SLC35F1: variants seen among roughly 807,000 people sequenced by gnomAD.
The protein encoded by SLC35F1 is solute carrier family 35 member F1, also known as chromosome 6 open reading frame 169.
SLC35F1 carries 14 observed loss-of-function variants against 48.7 expected under a neutral mutation model. That is an observed-to-expected ratio of 0.29 (90% CI 0.19 to 0.45). The LOEUF is 0.45. SLC35F1 is among the 20% of genes least tolerant of loss of function. The pLI, the probability that SLC35F1 is intolerant of heterozygous loss-of-function variation, is 1.00. For synonymous variants in SLC35F1, 190 were observed against 202.2 expected, an observed-to-expected ratio of 0.94 and a Z score of 0.51; for missense variants, 404 against 500.0, an observed-to-expected ratio of 0.81 and a Z score of 1.83.
At position 118,039,631 on chromosome 6, in the gene SLC35F1, A is replaced by T. The variant is rs182131706; in HGVS notation, c.174-114814A>T. 7.7e-3 allele frequency among the ~76,000 whole-genome samples: 1,159 copies of T among 150,070 alleles called. 13 individuals carry two copies. The highest frequency in any genetic ancestry group is 0.023 in the East Asian group (118 of 5,178). ...TCATCTACTATTAAGTTCATCCAGT[A>T]GTCTTTTTTTAAAAAATTGCATGCA... On this transcript the variant is annotated intron_variant, in intron 1 of 7. Coordinates refer to ENST00000360388, the MANE Select transcript of SLC35F1 (RefSeq NM_001029858.4).
At chr6:118,160,485 T>G (rs78949379) in intron 2 of SLC35F1, among the ~76,000 whole-genome samples, 3,014 of 152,318 alleles carry the variant, frequency 0.02, 117 homozygotes, top group African/African-American at 0.069. Flanking sequence ...AATAGAACAC[T>G]CATAAAAATA....
At chr6:117,931,178 A>G (rs1459814540) in intron 1 of SLC35F1, among the ~76,000 whole-genome samples, 1 of 152,220 alleles carries the variant, frequency 6.6e-6, no homozygotes, top group East Asian at 1.9e-4. Flanking sequence ...TGTTATGCTT[A>G]TAATTGTGCC....
At chr6:117,908,388 G>T (rs933055437) in intron 1 of SLC35F1, among the ~76,000 whole-genome samples, 1 of 152,214 alleles carries the variant, frequency 6.6e-6, no homozygotes, top group Non-Finnish European at 1.5e-5. Flanking sequence ...GGGGGAATGG[G>T]GTCGCAGCGA....
rs556274558 is a variant in SLC35F1 at position 117,946,671 on chromosome 6, AAAG to A, written c.173+38776_173+38778del. ...AAACTCTGTGCTTTTTTACATTACCAAAGAAGTGTGAACTTTGATACAGTACCA... is the reference window on the plus strand; with the variant it reads ...AAACTCTGTGCTTTTTTACATTACCAAAGTGTGAACTTTGATACAGTACCA... On this transcript the variant is annotated intron_variant, in intron 1 of 7. Transcript: ENST00000360388. 3.3e-3 allele frequency among the ~76,000 whole-genome samples: 500 copies of A among 152,338 alleles called. 2 individuals are homozygous for A. The highest frequency in any genetic ancestry group is 0.011 in the African/African-American group (476 of 41,578).
In SLC35F1 at chr6:117,943,650, T is replaced by G. The variant is rs548752608; in HGVS notation, c.173+35751T>G. The stretch of plus-strand genomic sequence containing the variant: ...AAGAGTTGGCTCTATTTGAAATATT[T>G]TATGAAGGAGGTCTTTTCATGTGAT... On this transcript the variant is annotated intron_variant, in intron 1 of 7. Coordinates refer to ENST00000360388, the MANE Select transcript of SLC35F1 (RefSeq NM_001029858.4). Among the ~76,000 whole-genome samples, 8 of 152,330 alleles carry G rather than the reference T, an allele frequency of 5.3e-5. No homozygotes were observed. The East Asian group carries it at 1.5e-3, about 29-fold the overall frequency.
At chr6:118,054,143 TTC>T (rs1772430255) in intron 1 of SLC35F1, among the ~76,000 whole-genome samples, 1 of 152,228 alleles carries the variant, frequency 6.6e-6, no homozygotes, top group Admixed American at 6.5e-5. Context: ...TTTACATTAA[TTC>T]ATTTATCTTT....
chr6:118,007,404 C>T (rs959057769), intron 1 of SLC35F1, among the ~76,000 whole-genome samples: 3 of 152,074 alleles, frequency 2.0e-5, no homozygotes, highest in African/African-American at 4.8e-5. Context: ...TACTATGTGC[C>T]GGACATTGTG....
chr6:118,299,802 C>G (rs1207440179), intron 7 of SLC35F1, among the ~76,000 whole-genome samples: 1 of 152,184 alleles, frequency 6.6e-6, no homozygotes, highest in African/African-American at 2.4e-5. Context: ...CCAGGTTTCT[C>G]ATCCAGGCTC....
chr6:118,013,113 A>G (rs1777273578), intron 1 of SLC35F1, among the ~76,000 whole-genome samples: 1 of 152,166 alleles, frequency 6.6e-6, no homozygotes, highest in South Asian at 2.1e-4. Flanking sequence ...TGTTCAGTGC[A>G]GACCCCAGTG....
chr6:118,157,138 C>A (rs1420395534), intron 2 of SLC35F1, among the ~76,000 whole-genome samples: 2 of 152,080 alleles, frequency 1.3e-5, no homozygotes, highest in Non-Finnish European at 2.9e-5. Flanking sequence ...GCTCTGACAG[C>A]CCAGGAAACT....
Position 118,056,353 on chromosome 6 carries a change from C to T in SLC35F1, c.174-98092C>T, listed in dbSNP as rs188638508. On this transcript the variant is annotated intron_variant, in intron 1 of 7. Coordinates refer to ENST00000360388, the MANE Select transcript of SLC35F1 (RefSeq NM_001029858.4). ...TAATGTTTTTTCTAAGAATTAAATC[C>T]TGACATAGTGTAAGCAGATAAATAT... Among the ~76,000 whole-genome samples, 244 of 152,062 alleles carry T rather than the reference C, an allele frequency of 1.6e-3. 1 individual carries two copies. The highest frequency in any genetic ancestry group is 5.7e-3 in the African/African-American group (236 of 41,460).
At chr6:117,912,061 A>C (rs1238763206) in intron 1 of SLC35F1, among the ~76,000 whole-genome samples, 1 of 152,162 alleles carries the variant, frequency 6.6e-6, no homozygotes, top group Non-Finnish European at 1.5e-5. Flanking sequence ...AATATCTGTG[A>C]ATTTCTTGTT....
In SLC35F1 at chr6:118,290,798, A is replaced by ATTTT. The variant is rs67467513; in HGVS notation, c.1002+5470_1002+5473dup. ...GATGGGCTATCTCAGAAAATCGACT[A>ATTTT]TTTTTTTTTTTTTCGAGACAGAGTC... On this transcript the variant is annotated intron_variant, in intron 7 of 7. Transcript: ENST00000360388. Among the ~76,000 whole-genome samples the ATTTT allele has an allele frequency of 7.7e-4, 109 of 142,378 alleles. 2 individuals carry two copies. Among genetic ancestry groups the ATTTT allele is most frequent in the Middle Eastern group, 3.5e-3 (1 of 288 alleles). 93.4% of individuals were successfully genotyped at this position (142,378 alleles called of 152,430 possible).
chr6:118,193,309 T>C (rs1467050035), intron 2 of SLC35F1, among the ~76,000 whole-genome samples: 1 of 152,214 alleles, frequency 6.6e-6, no homozygotes, highest in African/African-American at 2.4e-5. Flanking sequence ...CAAATTTTGG[T>C]TAAAGAGCAG....
Position 117,907,484 on chromosome 6 carries a change from G to A in SLC35F1, c.-243G>A, listed in dbSNP as rs1775700863. On this transcript the variant is annotated 5_prime_UTR_variant, in exon 1 of 8. Transcript: ENST00000360388. ...GACGCGGCTCGGGAAGAGCCGGGGC[G>A]GGCGGCGGCGGCGGCGGCACGGGCG... 7.5e-6 allele frequency: 2 copies of A among 267,508 alleles called. No homozygotes were observed. The highest frequency in any genetic ancestry group is 5.4e-5 in the Admixed American group (1 of 18,426). The allele number at this position is 267,508 out of a possible 1,614,324, so 16.6% of individuals were successfully genotyped here.
At chr6:118,173,017 G>C (rs1213320667) in intron 2 of SLC35F1, among the ~76,000 whole-genome samples, 1 of 152,052 alleles carries the variant, frequency 6.6e-6, no homozygotes, top group African/African-American at 2.4e-5. Context: ...ACTATTTCAA[G>C]CACCATCCAA....
chr6:117,927,318 G>T (rs922330561), intron 1 of SLC35F1, among the ~76,000 whole-genome samples: 7 of 152,196 alleles, frequency 4.6e-5, no homozygotes, highest in Non-Finnish European at 8.8e-5. Context: ...ATCACAAAGT[G>T]TAACTATGAT....
chr6:118,085,339 T>C (rs892366869), intron 1 of SLC35F1, among the ~76,000 whole-genome samples: 3 of 152,086 alleles, frequency 2.0e-5, no homozygotes, highest in South Asian at 2.1e-4. Flanking sequence ...CAAATCCCCT[T>C]GGATTTTCCT....
chr6:117,930,642 C>T (rs954238106), intron 1 of SLC35F1, among the ~76,000 whole-genome samples: 1 of 152,146 alleles, frequency 6.6e-6, no homozygotes, highest in African/African-American at 2.4e-5. Flanking sequence ...ATCACTTCAT[C>T]CTTCCTAACT....
Sources: gnomAD v4.1 joint callset for allele counts (sites outside exome capture counted in the v4.1 genomes callset) on GRCh38, gnomAD v4.1.1 for gene constraint, MANE v1.5 for transcripts, NCBI Gene and HGNC (gene_info 2026-07-23, HGNC 2026-07-21) for gene names.